The following CLVS1 variants were observed in gnomAD, a reference collection of about 807,000 sequenced individuals.
The protein encoded by CLVS1 is clavesin-1.
A neutral mutation model predicts 33.1 loss-of-function variants in CLVS1; 10 were observed. The observed-to-expected ratio is 0.30, with a 90% confidence interval of 0.19 to 0.51. CLVS1 has a LOEUF of 0.51. Among genes scored for constraint, CLVS1 ranks in the 20% least tolerant of loss-of-function variants. The pLI is 0.97. For synonymous variants in CLVS1, 163 were observed against 166.1 expected (o/e 0.98, Z 0.14); for missense variants, 343 against 433.4 (o/e 0.79, Z 1.85).
chr8:61,100,416 C>A lies in CLVS1; in HGVS notation c.-242-31354C>A, dbSNP rs577190391. 2.0e-4 allele frequency among the ~76,000 whole-genome samples: 30 copies of A among 152,294 alleles called. 1 individual carries two copies. The highest frequency in any genetic ancestry group is 1.5e-3 in the Admixed American group (23 of 15,296). On this transcript the variant is annotated intron_variant, in intron 1 of 2. Coordinates refer to the CLVS1 transcript ENST00000522621. The stretch of plus-strand genomic sequence containing the variant: ...ATTAGAACTTCGAATAATGCCCAGA[C>A]ATTTTTTGGATACTCTTTGAAGCTT...
At chr8:60,974,158 T>G in the CLVS1 span, among the ~76,000 whole-genome samples, 2 of 152,334 alleles carry the variant, frequency 1.3e-5, no homozygotes, top group East Asian at 1.9e-4. Flanking sequence ...TGGAAGGCAG[T>G]TTTCCCTGAG....
intron 2 of CLVS1, among the ~76,000 whole-genome samples, chr8:61,343,100 C>T (rs894123410): frequency 1.3e-5 from 2 of 152,162 alleles, no homozygotes; most frequent in Non-Finnish European, 2.9e-5. Context: ...AATATGACTT[C>T]AAAGTAACTT....
At chr8:61,107,840 AT>A (rs1805564680) in intron 1 of CLVS1, among the ~76,000 whole-genome samples, 1 of 152,196 alleles carries the variant, frequency 6.6e-6, no homozygotes, top group Non-Finnish European at 1.5e-5. Flanking sequence ...TTTCCTTTGG[AT>A]TTGGTGAAAT....
At chr8:61,322,356 A>G (rs914125369) in intron 2 of CLVS1, among the ~76,000 whole-genome samples, 4 of 152,204 alleles carry the variant, frequency 2.6e-5, no homozygotes, top group Admixed American at 2.0e-4. Flanking sequence ...AGACATAAGA[A>G]AGGAAAAGTG....
At chr8:61,443,627 A>C (rs905274253) in intron 3 of CLVS1, among the ~76,000 whole-genome samples, 1 of 152,264 alleles carries the variant, frequency 6.6e-6, no homozygotes, top group East Asian at 1.9e-4. Context: ...AATACCACCC[A>C]GTCTTGATTG....
intron 3 of CLVS1, among the ~76,000 whole-genome samples, chr8:61,389,324 G>T (rs1814208703): frequency 6.6e-6 from 1 of 152,152 alleles, no homozygotes; most frequent in South Asian, 2.1e-4. Context: ...TGGGTCACAA[G>T]GTCAGGAGAT....
intron 2 of CLVS1, among the ~76,000 whole-genome samples, chr8:61,179,247 G>A (rs1045806346): frequency 4.6e-5 from 7 of 152,176 alleles, no homozygotes; most frequent in Non-Finnish European, 8.8e-5. Context: ...AAAAGACAAA[G>A]AAGGGCATTA....
chr8:61,445,200 T>C (rs1000550523), intron 3 of CLVS1, among the ~76,000 whole-genome samples: 2 of 152,238 alleles, frequency 1.3e-5, no homozygotes, highest in Non-Finnish European at 2.9e-5. Context: ...TGCTAATATT[T>C]CATTAAGAGT....
rs1380112747 is a variant in CLVS1, at chr8:61,109,231, A to T, written c.-242-22539A>T. ...GCACTTCCTTTTTTTTTCATTTGCA[A>T]TGTAAGGAAAATATTACTCTTAAAC... On this transcript the variant is annotated intron_variant, in intron 1 of 2. Transcript: ENST00000522621. Among the ~76,000 whole-genome samples the T allele has an allele frequency of 3.9e-5, 6 of 152,054 alleles. No homozygotes were observed. In the East Asian group the frequency reaches 1.2e-3, roughly 29 times the overall value.
At chr8:61,172,062 A>G (rs531996057) in intron 2 of CLVS1, among the ~76,000 whole-genome samples, 5 of 152,332 alleles carry the variant, frequency 3.3e-5, no homozygotes, top group African/African-American at 1.2e-4. Context: ...TGCCTAGTCC[A>G]TCTGTACTGT....
At chr8:61,379,446 G>A (rs1813778833) in intron 3 of CLVS1, among the ~76,000 whole-genome samples, 1 of 151,550 alleles carries the variant, frequency 6.6e-6, no homozygotes, top group Non-Finnish European at 1.5e-5. Context: ...AGGTGGTTGG[G>A]CCCCTCCCAG....
chr8:61,444,693 C>G (rs1048923845), intron 3 of CLVS1, among the ~76,000 whole-genome samples: 1 of 152,140 alleles, frequency 6.6e-6, no homozygotes. Flanking sequence ...AGTCAGGAGG[C>G]AGCGGAGTGA....
chr8:61,050,514 C>T, the CLVS1 span, among the ~76,000 whole-genome samples: 10 of 152,336 alleles, frequency 6.6e-5, no homozygotes, highest in South Asian at 4.1e-4. Flanking sequence ...GAGAGTCACA[C>T]AAGGCAGGAA....
intron 1 of CLVS1, among the ~76,000 whole-genome samples, chr8:61,066,884 GT>G (rs1289770352): frequency 1.3e-5 from 2 of 152,208 alleles, no homozygotes; most frequent in Non-Finnish European, 2.9e-5. Flanking sequence ...TCCATCTGTA[GT>G]TTTTCTGCAA....
the CLVS1 span, among the ~76,000 whole-genome samples, chr8:60,981,733 G>C: frequency 6.6e-6 from 1 of 152,226 alleles, no homozygotes; most frequent in East Asian, 1.9e-4. Context: ...AAAGTACAGA[G>C]GAACAGCAGC....
chr8:61,021,517 A>AT, the CLVS1 span, among the ~76,000 whole-genome samples: 1,952 of 141,718 alleles, frequency 0.014, 20 homozygotes, highest in Middle Eastern at 0.021. Flanking sequence ...TGACTGGCTA[A>AT]TTTTTTTTTT....
chr8:61,424,292 G>A (rs1815796096), intron 3 of CLVS1, among the ~76,000 whole-genome samples: 1 of 152,196 alleles, frequency 6.6e-6, no homozygotes, highest in Non-Finnish European at 1.5e-5. Context: ...TGAGGGTTGT[G>A]AGAAAAGCAT....
At chr8:61,498,240 C>A (rs777413208) in intron 5 of CLVS1, among the ~76,000 whole-genome samples, 1 of 152,124 alleles carries the variant, frequency 6.6e-6, no homozygotes, top group Non-Finnish European at 1.5e-5. Flanking sequence ...CAAAACCAAG[C>A]ATGCACTATA....
intron 2 of CLVS1, among the ~76,000 whole-genome samples, chr8:61,372,568 C>T (rs976010104): frequency 2.0e-5 from 3 of 151,784 alleles, no homozygotes; most frequent in African/African-American, 7.3e-5. Context: ...ATACGTTATT[C>T]ATTAATGTCC....
Sources: allele counts gnomAD v4.1 joint callset (sites outside exome capture counted in the v4.1 genomes callset), GRCh38; gene constraint gnomAD v4.1.1; transcripts MANE v1.5; gene names NCBI Gene and HGNC (gene_info 2026-07-23, HGNC 2026-07-21).